The following MARCHF8 variants were observed in gnomAD, a reference collection of about 807,000 sequenced individuals.
MARCHF8 encodes E3 ubiquitin-protein ligase MARCHF8.
Under a neutral mutation model 51.6 loss-of-function variants are expected in MARCHF8, and 40 were observed. That is an observed-to-expected ratio of 0.77 (90% CI 0.60 to 1.01). The LOEUF (loss-of-function observed/expected upper bound fraction) is 1.01, where lower values mean the gene tolerates loss of function less well. Among genes scored for constraint, MARCHF8 ranks in the 50% least tolerant of loss-of-function variants. The pLI is 0.00. For synonymous variants in MARCHF8, 263 were observed against 280.3 expected, an observed-to-expected ratio of 0.94 and a Z score of 0.62; for missense variants, 685 against 708.6, an observed-to-expected ratio of 0.97 and a Z score of 0.38.
chr10:45,549,268 G>A (rs956059533), intron 1 of MARCHF8, among the ~76,000 whole-genome samples: 2 of 152,140 alleles, frequency 1.3e-5, no homozygotes, highest in African/African-American at 4.8e-5. Flanking sequence ...CTTATCACAA[G>A]ATGTTCCATT....
At chr10:45,540,841 A>C (rs1177373109) in intron 1 of MARCHF8, among the ~76,000 whole-genome samples, 1 of 152,150 alleles carries the variant, frequency 6.6e-6, no homozygotes, top group Non-Finnish European at 1.5e-5. Context: ...CTGGCCATCA[A>C]AGAAATGCAA....
chr10:45,462,302 C>G (rs912095104), intron 5 of MARCHF8: 1 of 152,192 alleles, frequency 6.6e-6, no homozygotes, highest in Admixed American at 6.5e-5. Context: ...GGAGGCCAGA[C>G]AAGGATGCTG....
intron 2 of MARCHF8, among the ~76,000 whole-genome samples, chr10:45,525,532 C>A (rs2043777231): frequency 6.6e-6 from 1 of 152,140 alleles, no homozygotes; most frequent in Admixed American, 6.5e-5. Context: ...GTAAAGACTC[C>A]ACCTTCAAGG....
chr10:45,591,580 G>T (rs904598555), intron 1 of MARCHF8, among the ~76,000 whole-genome samples: 4 of 152,020 alleles, frequency 2.6e-5, no homozygotes, highest in African/African-American at 9.7e-5. Flanking sequence ...CAATGCTATT[G>T]GTAATATTCT....
At chr10:45,518,531 G>A (rs958901337) in intron 2 of MARCHF8, among the ~76,000 whole-genome samples, 1 of 152,162 alleles carries the variant, frequency 6.6e-6, no homozygotes, top group Non-Finnish European at 1.5e-5. Flanking sequence ...ACTCTGATCT[G>A]AAGAACTTTT....
intron 2 of MARCHF8, 103 bp from the exon 3 acceptor site, chr10:45,489,520 C>A (rs1249967494): frequency 1.9e-6 from 2 of 1,080,980 alleles, no homozygotes; most frequent in South Asian, 1.4e-5. Context: ...ATTCCCTGAA[C>A]TAGAATTTGC....
At chr10:45,459,611 T>C (rs1589067363) in intron 6 of MARCHF8, 2 of 622,822 alleles carry the variant, frequency 3.2e-6, no homozygotes. Context: ...AGGACCCAGG[T>C]ACTACGTTTT....
At chr10:45,503,196 A>G (rs149450273) in intron 2 of MARCHF8, among the ~76,000 whole-genome samples, 130 of 152,298 alleles carry the variant, frequency 8.5e-4, no homozygotes, top group African/African-American at 3.0e-3. Context: ...GTGTACATAA[A>G]CACTGCAATT....
intron 2 of MARCHF8, among the ~76,000 whole-genome samples, chr10:45,502,391 C>T (rs1011710761): frequency 8.5e-5 from 13 of 152,256 alleles, no homozygotes; most frequent in Admixed American, 6.5e-5. Flanking sequence ...AAGTACGGTG[C>T]TGGCAAATAT....
intron 3 of MARCHF8, among the ~76,000 whole-genome samples, chr10:45,466,325 G>T (rs1443599197): frequency 6.6e-6 from 1 of 152,152 alleles, no homozygotes; most frequent in Non-Finnish European, 1.5e-5. Context: ...TATTTCTGAG[G>T]ATGACCAGCT....
intron 2 of MARCHF8, among the ~76,000 whole-genome samples, chr10:45,529,643 G>A (rs2043845847): frequency 6.6e-6 from 1 of 152,084 alleles, no homozygotes. Flanking sequence ...TAAAAAATGG[G>A]CAAAGGGCAT....
chr10:45,458,325 G>A lies in MARCHF8; in HGVS notation c.1636C>T (p.His546Tyr). 6.2e-6 allele frequency: 10 copies of A among 1,614,106 alleles called. No individual in the cohort carries two copies. Among genetic ancestry groups the A allele is most frequent in the Non-Finnish European group, 8.5e-6 (10 of 1,180,014 alleles). Residue 546 changes from histidine to tyrosine, a missense_variant, in exon 8 of 8, where the codon CAT becomes TAT. By Grantham distance (83) the His-to-Tyr change is moderately conservative. Coordinates refer to ENST00000453424, the MANE Select transcript of MARCHF8 (RefSeq NM_001282866.2). ...TCGGAATGACAGATTCCATATCCAT[G>A]TTTATTTTCAAAGTTGGGCTCTGTT... ...PLTEPNFENKHGYGICHSDTN... is the reference protein window; with the variant it reads ...PLTEPNFENKYGYGICHSDTN...
At chr10:45,541,067 T>C (rs1157170815) in intron 1 of MARCHF8, among the ~76,000 whole-genome samples, 2 of 152,288 alleles carry the variant, frequency 1.3e-5, no homozygotes, top group East Asian at 3.9e-4. Flanking sequence ...TCCCATTACT[T>C]GGTATATACT....
rs1040219753 is a variant in MARCHF8 at position 45,544,556 on chromosome 10, C to A, written c.-78-11267G>T. ...CAGCAATTAAAAGGAAAAAACCAAT[C>A]ATATACACTACAACATGGATGAACC... On this transcript the variant is annotated intron_variant, in intron 1 of 6. Coordinates refer to the MARCHF8 transcript ENST00000319836. Among the ~76,000 whole-genome samples the A allele has an allele frequency of 2.0e-5, 3 of 152,276 alleles. No individual in the cohort carries two copies. In the East Asian group the frequency reaches 5.8e-4, roughly 29 times the overall value.
chr10:45,517,087 G>C (rs973450752), intron 2 of MARCHF8, among the ~76,000 whole-genome samples: 2 of 152,238 alleles, frequency 1.3e-5, no homozygotes, highest in Non-Finnish European at 2.9e-5. Context: ...ACAGTGGTGA[G>C]TAGCACAACA....
intron 2 of MARCHF8, among the ~76,000 whole-genome samples, chr10:45,504,013 A>G (rs2133157576): frequency 6.6e-6 from 1 of 152,302 alleles, no homozygotes; most frequent in Middle Eastern, 3.4e-3. Flanking sequence ...AGAGGGTTTC[A>G]TTTTCGGGTG....
In MARCHF8 at chr10:45,571,472, C is replaced by T. The variant is rs1278796718; in HGVS notation, c.-79+22763G>A. Among the ~76,000 whole-genome samples, 9 of 152,082 alleles carry T rather than the reference C, an allele frequency of 5.9e-5. No homozygotes were observed. In the East Asian group the frequency reaches 1.5e-3, roughly 26 times the overall value. On this transcript the variant is annotated intron_variant, in intron 1 of 6. Coordinates refer to the MARCHF8 transcript ENST00000319836. ...GCCCCACCCTTTCTCCCTTTGCTGA[C>T]TCTCTTTTTGGACTCAGCCCACCTG...
At chr10:45,593,924 C>T (rs77262212) in intron 1 of MARCHF8, among the ~76,000 whole-genome samples, 3,648 of 152,272 alleles carry the variant, frequency 0.024, 137 homozygotes, top group African/African-American at 0.079. Flanking sequence ...AGCTCCTCAA[C>T]CTATGACTTG....
rs190316391 is a variant in MARCHF8, at chr10:45,543,075, A to G, written c.-78-9786T>C. ...TGGCTTCAGTACAGTAAGGTCTACA[A>G]TGCTCTCTATATTAAGCCTAAAAAT... is the stretch of plus-strand genomic sequence containing the variant. On this transcript the variant is annotated intron_variant, in intron 1 of 6. Transcript: ENST00000319836. Among the ~76,000 whole-genome samples the G allele has an allele frequency of 1.6e-3, 245 of 152,342 alleles. 2 individuals carry two copies. The highest frequency in any genetic ancestry group is 5.2e-3 in the African/African-American group (215 of 41,552).
Sources: allele counts gnomAD v4.1 joint callset (sites outside exome capture counted in the v4.1 genomes callset), GRCh38; gene constraint gnomAD v4.1.1; transcripts MANE v1.5; gene names NCBI Gene and HGNC (gene_info 2026-07-23, HGNC 2026-07-21).